The following TRHDE variants were observed in gnomAD, a reference collection of about 807,000 sequenced individuals.
The protein encoded by TRHDE is thyrotropin releasing hormone degrading enzyme.
In TRHDE, 72 loss-of-function variants were observed where a neutral mutation model predicts 125.7. The observed-to-expected ratio is 0.57, with a 90% CI of 0.47 to 0.70. TRHDE has a LOEUF of 0.70. Among genes scored for constraint, TRHDE ranks in the 30% least tolerant of loss-of-function variants. TRHDE has a pLI of 0.00. For synonymous variants in TRHDE, 509 were observed against 509.1 expected, an observed-to-expected ratio of 1.00 and a Z score of 0.00; for missense variants, 1,110 against 1,327.1, an observed-to-expected ratio of 0.84 and a Z score of 2.54.
At chr12:72,337,985 A>G (rs891195354) in intron 2 of TRHDE, among the ~76,000 whole-genome samples, 9 of 131,996 alleles carry the variant, frequency 6.8e-5, no homozygotes, top group Non-Finnish European at 1.4e-4. Flanking sequence ...ATCTTCAAGC[A>G]GAACTCGGAA....
At chr12:72,156,598 A>G (rs1347577221) in intron 2 of TRHDE, among the ~76,000 whole-genome samples, 3 of 152,142 alleles carry the variant, frequency 2.0e-5, no homozygotes, top group African/African-American at 7.2e-5. Context: ...AGGAAGAAAA[A>G]AGATTGCAGA....
intron 3 of TRHDE, among the ~76,000 whole-genome samples, chr12:72,396,785 C>T (rs1450830976): frequency 6.6e-6 from 1 of 152,016 alleles, no homozygotes; most frequent in Non-Finnish European, 1.5e-5. Context: ...AAACTTTATT[C>T]TCTTGGCTCT....
At chr12:72,455,366 C>T (rs1212049849) in intron 3 of TRHDE, among the ~76,000 whole-genome samples, 1 of 152,062 alleles carries the variant, frequency 6.6e-6, no homozygotes, top group African/African-American at 2.4e-5. Context: ...ATACTTTATA[C>T]AAGTGTTTAG....
intron 6 of TRHDE, among the ~76,000 whole-genome samples, chr12:72,527,965 C>T (rs1868367894): frequency 6.6e-6 from 1 of 152,100 alleles, no homozygotes; most frequent in Admixed American, 6.6e-5. Context: ...AAGGCTAACA[C>T]TATGCTCAAC....
intron 3 of TRHDE, among the ~76,000 whole-genome samples, chr12:72,384,731 C>A (rs1565722108): frequency 6.6e-6 from 1 of 151,968 alleles, no homozygotes. Context: ...TTGAAGTTCA[C>A]AAATAAGACC....
intron 2 of TRHDE, among the ~76,000 whole-genome samples, chr12:72,179,464 A>C (rs1877052461): frequency 6.6e-6 from 1 of 151,924 alleles, no homozygotes; most frequent in African/African-American, 2.4e-5. Flanking sequence ...CCAGTCACCC[A>C]CTACCCTAAT....
intron 6 of TRHDE, among the ~76,000 whole-genome samples, chr12:72,537,800 G>A (rs1302186256): frequency 1.3e-5 from 2 of 152,012 alleles, no homozygotes; most frequent in Non-Finnish European, 2.9e-5. Context: ...CCTGCTATGT[G>A]CCAGGAACAG....
At chr12:72,125,690 A>G (rs528993652) in intron 2 of TRHDE, among the ~76,000 whole-genome samples, 1 of 152,376 alleles carries the variant, frequency 6.6e-6, no homozygotes, top group East Asian at 1.9e-4. Flanking sequence ...TGGCCAAGAC[A>G]GAATAACAGG....
chr12:72,226,531 T>C (rs994189710), intron 2 of TRHDE, among the ~76,000 whole-genome samples: 1 of 152,212 alleles, frequency 6.6e-6, no homozygotes, highest in African/African-American at 2.4e-5. Flanking sequence ...TAATAAAATA[T>C]AAATTACTTC....
At chr12:72,541,155 C>G (rs1869129694) in intron 6 of TRHDE, among the ~76,000 whole-genome samples, 1 of 151,474 alleles carries the variant, frequency 6.6e-6, no homozygotes, top group Non-Finnish European at 1.5e-5. Flanking sequence ...TGAATTATTG[C>G]AGTTGTACAT....
rs146794383 is a variant in TRHDE at position 72,538,585 on chromosome 12, C to T, written c.1723-3706C>T. Among the ~76,000 whole-genome samples, 41 of 152,028 alleles carry T rather than the reference C, an allele frequency of 2.7e-4. No individual in the cohort carries two copies. The East Asian group carries it at 6.4e-3, about 24-fold the overall frequency. On this transcript the variant is annotated intron_variant, in intron 6 of 18. Coordinates refer to ENST00000261180, the MANE Select transcript of TRHDE (RefSeq NM_013381.3). Reference sequence around the variant, plus strand: ...CTAATTCCCAATTTATCTATTCAATCGTAACTTTCCACTCAATTTTATTCC... The same window carrying T: ...CTAATTCCCAATTTATCTATTCAATTGTAACTTTCCACTCAATTTTATTCC...
intron 7 of TRHDE, among the ~76,000 whole-genome samples, chr12:72,548,909 T>C (rs747148405): frequency 3.3e-5 from 5 of 151,762 alleles, no homozygotes; most frequent in Non-Finnish European, 7.4e-5. Context: ...ACTCAAAGCC[T>C]AAAATCCCTG....
At chr12:72,519,683 G>A (rs1489792328) in intron 6 of TRHDE, among the ~76,000 whole-genome samples, 2 of 152,226 alleles carry the variant, frequency 1.3e-5, no homozygotes, top group African/African-American at 2.4e-5. Flanking sequence ...TCCATTGCTG[G>A]TGAGGAACTG....
chr12:72,403,942 G>T (rs1038295280), intron 3 of TRHDE, among the ~76,000 whole-genome samples: 1 of 152,164 alleles, frequency 6.6e-6, no homozygotes, highest in Admixed American at 6.5e-5. Flanking sequence ...GAAGAAAAAT[G>T]TTAAGGAAAT....
At chr12:72,564,164 C>T (rs538213903) in intron 9 of TRHDE, among the ~76,000 whole-genome samples, 19 of 152,246 alleles carry the variant, frequency 1.2e-4, no homozygotes, top group African/African-American at 4.6e-4. Flanking sequence ...AACATGCTAC[C>T]CTTTGAAATC....
chr12:72,482,217 G>A (rs1480574139), intron 5 of TRHDE, among the ~76,000 whole-genome samples: 1 of 150,660 alleles, frequency 6.6e-6, no homozygotes, highest in East Asian at 2.0e-4. Flanking sequence ...CTTTTGCTTG[G>A]TGGCTTCAGT....
At chr12:72,175,614 A>T (rs1442318776) in intron 2 of TRHDE, among the ~76,000 whole-genome samples, 2 of 152,190 alleles carry the variant, frequency 1.3e-5, no homozygotes, top group Non-Finnish European at 2.9e-5. Context: ...CTCAGAGTCA[A>T]TGAGGTCACC....
chr12:72,445,677 T>A (rs1875241596), intron 3 of TRHDE, among the ~76,000 whole-genome samples: 1 of 151,974 alleles, frequency 6.6e-6, no homozygotes, highest in African/African-American at 2.4e-5. Context: ...CTAACTCAAT[T>A]TATGATTGAC....
rs541205165 is a variant in TRHDE, at chr12:72,595,004, A to G, written c.2321+19462A>G. 1.1e-3 allele frequency among the ~76,000 whole-genome samples: 160 copies of G among 150,534 alleles called. 1 individual carries two copies. The highest frequency in any genetic ancestry group is 3.7e-3 in the African/African-American group (150 of 41,032). On this transcript the variant is annotated intron_variant, in intron 12 of 18. Transcript: ENST00000261180. Reference sequence around the variant, plus strand: ...TGGAAATCATCATTCTCAGTAAACTATTGCAAGGACAAAAAACCAAACACC... The same window carrying G: ...TGGAAATCATCATTCTCAGTAAACTGTTGCAAGGACAAAAAACCAAACACC...
Sources: allele counts gnomAD v4.1 joint callset (sites outside exome capture counted in the v4.1 genomes callset), GRCh38; gene constraint gnomAD v4.1.1; transcripts MANE v1.5; gene names NCBI Gene and HGNC (gene_info 2026-07-23, HGNC 2026-07-21).